The following RAB3D variants were observed in gnomAD, a reference collection of about 807,000 sequenced individuals.
The protein encoded by RAB3D is RAB3D, member RAS oncogene family.
A neutral mutation model predicts 19.3 loss-of-function variants in RAB3D; 17 were observed. That is an observed-to-expected ratio of 0.88 (90% CI 0.60 to 1.32). RAB3D has a LOEUF of 1.32. Among genes scored for constraint, RAB3D ranks in the 40% most tolerant of loss-of-function variants. RAB3D has a pLI of 0.00. For missense variants in RAB3D, 223 were observed against 299.1 expected (o/e 0.75, Z 1.88); for synonymous variants, 103 against 119.9 (o/e 0.86, Z 0.92).
rs889681202 is a variant in RAB3D at position 11,323,410 on chromosome 19, G to C, written c.*1988C>G. 1 of 152,032 alleles carries C rather than the reference G, an allele frequency of 6.6e-6. No homozygotes were observed. Among genetic ancestry groups the C allele is most frequent in the Non-Finnish European group, 1.5e-5 (1 of 68,018 alleles). 9.4% of individuals were successfully genotyped at this position (152,032 alleles called of 1,614,324 possible). ...GTTTGAGACAAGCCTCACCAACATG[G>C]TGAAACCCCTTCTCTACTAAAAATA... On this transcript the variant is annotated 3_prime_UTR_variant, in exon 5 of 5. Transcript: ENST00000222120.
Position 11,325,187 on chromosome 19 carries a change from G to C in RAB3D, c.*211C>G. On this transcript the variant is annotated 3_prime_UTR_variant, in exon 5 of 5. Coordinates refer to ENST00000222120, the MANE Select transcript of RAB3D (RefSeq NM_004283.4). ...GCCTCTGCCTGCCATGCAGAGCTGAGTCCCCATGGTCCGCAGCCTCCCACC... is the reference window on the plus strand; with the variant it reads ...GCCTCTGCCTGCCATGCAGAGCTGACTCCCCATGGTCCGCAGCCTCCCACC... 1.9e-6 allele frequency: 1 copy of C among 529,196 alleles called. No individual in the cohort carries two copies. The highest frequency in any genetic ancestry group is 2.3e-5 in the South Asian group (1 of 44,202). The allele number at this position is 529,196 out of a possible 1,614,324, so 32.8% of individuals were successfully genotyped here.
At chr19:11,337,093 CA>C (rs893185437) in intron 2 of RAB3D, 78 bp downstream of exon 2, 153,686 of 913,502 alleles carry the variant, frequency 0.17, no homozygotes, top group South Asian at 0.23. Flanking sequence ...GACTCCGTCT[CA>C]AAAAAAAAAA....
At chr19:11,331,832 G>C (rs1356663771) in intron 4 of RAB3D, among the ~76,000 whole-genome samples, 1 of 151,836 alleles carries the variant, frequency 6.6e-6, no homozygotes, top group African/African-American at 2.4e-5. Context: ...AAACGACGAC[G>C]ACAACAAAAC....
chr19:11,335,598 G>A lies in RAB3D; in HGVS notation c.348-27C>T, dbSNP rs1385773886. The stretch of plus-strand genomic sequence containing the variant: ...TGCAGAGTTACCAGTGGTGAGCCAT[G>A]AGCCGGGGGGGTTAGGGGTCAGAGG... On this transcript the variant is annotated intron_variant, in intron 3 of 4. Transcript: ENST00000222120. 6.2e-6 allele frequency: 10 copies of A among 1,613,804 alleles called. No individual in the cohort carries two copies. The African/African-American group carries it at 9.3e-5, about 15-fold the overall frequency.
In RAB3D at chr19:11,322,352, A is replaced by AAG. The variant is rs1363434242; in HGVS notation, c.*3044_*3045dup. The AAG allele has an allele frequency of 6.6e-6, 1 of 151,332 alleles. No individual in the cohort carries two copies. The highest frequency in any genetic ancestry group is 1.5e-5 in the Non-Finnish European group (1 of 67,936). 9.4% of individuals were successfully genotyped at this position (151,332 alleles called of 1,614,324 possible). On this transcript the variant is annotated 3_prime_UTR_variant, in exon 5 of 5. Coordinates refer to ENST00000222120, the MANE Select transcript of RAB3D (RefSeq NM_004283.4). ...GTCCCCCAGTCCCCCGAAAAAGAAGAAGAAAAAAAAAAAGCAGAACTCCAA... is the reference window on the plus strand; with the variant it reads ...GTCCCCCAGTCCCCCGAAAAAGAAGAAGAGAAAAAAAAAAAGCAGAACTCCAA...
intron 2 of RAB3D, among the ~76,000 whole-genome samples, chr19:11,336,840 T>C (rs533436789): frequency 2.6e-5 from 4 of 151,592 alleles, no homozygotes; most frequent in Non-Finnish European, 5.9e-5. Context: ...TGTGGTGGCG[T>C]GCACCTGTAA....
At chr19:11,336,427 G>C (rs1966895943) in intron 2 of RAB3D, among the ~76,000 whole-genome samples, 2 of 152,048 alleles carry the variant, frequency 1.3e-5, no homozygotes, top group African/African-American at 4.8e-5. Context: ...TCTTGCCTCA[G>C]CCTCCTGAAT....
In RAB3D at chr19:11,337,410, G is replaced by A; in HGVS notation, c.-11C>T. On this transcript the variant is annotated 5_prime_UTR_variant, in exon 2 of 5. Transcript: ENST00000222120. ...TCCAGCTGATGCCATCTTGGCACAAGCCTCCTGGGACAGGGAGACCTGAAA... is the reference window on the plus strand; with the variant it reads ...TCCAGCTGATGCCATCTTGGCACAAACCTCCTGGGACAGGGAGACCTGAAA... The A allele has an allele frequency of 6.2e-7, 1 of 1,611,112 alleles. No individual in the cohort carries two copies. The highest frequency in any genetic ancestry group is 8.5e-7 in the Non-Finnish European group (1 of 1,177,332).
intron 1 of RAB3D, among the ~76,000 whole-genome samples, chr19:11,337,759 C>T (rs956179901): frequency 2.0e-5 from 3 of 151,744 alleles, no homozygotes; most frequent in Non-Finnish European, 4.4e-5. Context: ...CAGTCTTGAC[C>T]TCCTGGGCTC....
chr19:11,336,147 C>A (rs1966893711), intron 2 of RAB3D, among the ~76,000 whole-genome samples: 1 of 152,156 alleles, frequency 6.6e-6, no homozygotes, highest in African/African-American at 2.4e-5. Context: ...CACCTTGGTA[C>A]TCTTGCTACC....
Position 11,337,100 on chromosome 19 carries a change from A to G in RAB3D, c.228+72T>C. ...CAGAGTGAGACTCCGTCTCAAAAAA[A>G]AAAAAAGAACCCTCCAATGAACTTT... On this transcript the variant is annotated intron_variant, in intron 2 of 4. Transcript: ENST00000222120. The G allele has an allele frequency of 2.9e-6, 4 of 1,360,174 alleles. No individual in the cohort carries two copies. In the South Asian group the frequency reaches 5.0e-5, roughly 17 times the overall value. The allele number at this position is 1,360,174 out of a possible 1,614,324, so 84.3% of individuals were successfully genotyped here.
chr19:11,325,589 G>C lies in RAB3D; in HGVS notation c.473-4C>G. ...CTGGCTTCAAAGAACTCGAAACCTG[G>C]ATGAATGTTAAGGTGGGGACACTCG... On this transcript the variant is annotated splice_region_variant and splice_polypyrimidine_tract_variant and intron_variant, in intron 4 of 4. Transcript: ENST00000222120. 4 of 1,600,392 alleles carry C rather than the reference G, an allele frequency of 2.5e-6. 1 individual carries two copies. The highest frequency in any genetic ancestry group is 3.3e-4 in the Middle Eastern group (2 of 6,040).
In RAB3D at chr19:11,325,419, C is replaced by T. The variant is rs1265352270; in HGVS notation, c.639G>A (p.Gln213=). Residue 213 remains glutamine (Q), a synonymous_variant, in exon 5 of 5, where the codon CAG becomes CAA. Transcript: ENST00000222120. ...GPAVGDAPAP[Q]PSSCSC ...ATCTCTAGCAGCTGCAGCTGCTGGG[C>T]TGGGGGGCTGGAGCATCCCCCACGG... The T allele has an allele frequency of 7.0e-7, 1 of 1,432,122 alleles. No individual in the cohort carries two copies. Among genetic ancestry groups the T allele is most frequent in the Non-Finnish European group, 9.1e-7 (1 of 1,096,018 alleles). 88.7% of individuals were successfully genotyped at this position (1,432,122 alleles called of 1,614,324 possible). A position where few individuals can be genotyped will look rare whatever the true frequency, so the allele number is the denominator to read the frequency against.
At position 11,337,162 on chromosome 19, in the gene RAB3D, C is replaced by T. The variant is rs368137624; in HGVS notation, c.228+10G>A. 4.3e-6 allele frequency: 7 copies of T among 1,611,916 alleles called. No individual in the cohort carries two copies. The highest frequency in any genetic ancestry group is 5.9e-6 in the Non-Finnish European group (7 of 1,178,256). The stretch of plus-strand genomic sequence containing the variant: ...CCCACCCCCAACCCACAGCCAGCCT[C>T]CCAGCCTACCCAGATCTGCAGCTTG... On this transcript the variant is annotated intron_variant, in intron 2 of 4. Transcript: ENST00000222120.
chr19:11,337,441 A>G lies in RAB3D; in HGVS notation c.-42T>C. 6.5e-7 allele frequency: 1 copy of G among 1,548,710 alleles called. No homozygotes were observed. Among genetic ancestry groups the G allele is most frequent in the South Asian group, 1.1e-5 (1 of 89,852 alleles). ...TGGGACAGGGAGACCTGAAATCCTC[A>G]GGGAGAGGAGACGGGCGTCCTGCAG... On this transcript the variant is annotated 5_prime_UTR_variant, in exon 2 of 5. Transcript: ENST00000222120.
Position 11,337,161 on chromosome 19 carries a change from T to TCCCAGCCTA in RAB3D, c.228+2_228+10dup, listed in dbSNP as rs1170413183. The TCCCAGCCTA allele has an allele frequency of 1.9e-6, 3 of 1,604,046 alleles. No homozygotes were observed. In the South Asian group the frequency reaches 3.3e-5, roughly 18 times the overall value. On this transcript the variant is annotated intron_variant, in intron 2 of 4. Transcript: ENST00000222120. Reference sequence around the variant, plus strand: ...CCCCACCCCCAACCCACAGCCAGCCTCCCAGCCTACCCAGATCTGCAGCTT... The same window carrying TCCCAGCCTA: ...CCCCACCCCCAACCCACAGCCAGCCTCCCAGCCTACCCAGCCTACCCAGATCTGCAGCTT...
chr19:11,329,752 G>A (rs1465999233), intron 4 of RAB3D, among the ~76,000 whole-genome samples: 1 of 150,860 alleles, frequency 6.6e-6, no homozygotes, highest in African/African-American at 2.4e-5. Flanking sequence ...CGCGATCTTG[G>A]CTCATTGCAA....
At chr19:11,338,431 C>T (rs988659321) in intron 1 of RAB3D, among the ~76,000 whole-genome samples, 2 of 152,138 alleles carry the variant, frequency 1.3e-5, no homozygotes, top group African/African-American at 4.8e-5. Context: ...CTGGATAGAG[C>T]CCCTGATTAA....
chr19:11,330,106 A>G (rs527932489), intron 4 of RAB3D, among the ~76,000 whole-genome samples: 7 of 152,258 alleles, frequency 4.6e-5, no homozygotes, highest in African/African-American at 1.4e-4. Context: ...CGCGGGCGTT[A>G]ACTGATTTCA....
Sources: allele counts gnomAD v4.1 joint callset (sites outside exome capture counted in the v4.1 genomes callset), GRCh38; gene constraint gnomAD v4.1.1; transcripts MANE v1.5; gene names NCBI Gene and HGNC (gene_info 2026-07-23, HGNC 2026-07-21).